MGAT4C: variants seen among roughly 807,000 people sequenced by gnomAD.
MGAT4C encodes the protein alpha-1,3-mannosyl-glycoprotein 4-beta-N-acetylglucosaminyltransferase C.
Under a neutral mutation model 40.1 loss-of-function variants are expected in MGAT4C, and 19 were observed. That is an observed-to-expected ratio of 0.47 (90% CI 0.33 to 0.70). The LOEUF (loss-of-function observed/expected upper bound fraction) is 0.70. Among genes scored for constraint, MGAT4C ranks in the 30% least tolerant of loss-of-function variants. The pLI is 0.02. For missense variants in MGAT4C, 491 were observed against 563.2 expected (o/e 0.87, Z 1.30); for synonymous variants, 181 against 187.1 (o/e 0.97, Z 0.27).
rs1882760644 is a variant in MGAT4C at position 85,955,716 on chromosome 12, C to T, written c.*23573G>A. 1 of 151,968 alleles carries T rather than the reference C, an allele frequency of 6.6e-6. No individual in the cohort carries two copies. The highest frequency in any genetic ancestry group is 1.5e-5 in the Non-Finnish European group (1 of 67,972). The allele number at this position is 151,968 out of a possible 1,614,324, so 9.4% of individuals were successfully genotyped here. On this transcript the variant is annotated 3_prime_UTR_variant, in exon 5 of 5. Transcript: ENST00000611864. ...TTATGCTGTTTAGCCTTCATAATTT[C>T]AAACAATTCTGAATTTGTTGCTTCA... is the stretch of plus-strand genomic sequence containing the variant.
rs1214786781 is a variant in MGAT4C, at chr12:85,971,120, A to G, written c.*8169T>C. On this transcript the variant is annotated 3_prime_UTR_variant, in exon 5 of 5. Transcript: ENST00000611864. Reference sequence around the variant, plus strand: ...TAGTGCATTTATAATAAATTTAATTATTCATAAAAAATTAACATTGATATA... The same window carrying G: ...TAGTGCATTTATAATAAATTTAATTGTTCATAAAAAATTAACATTGATATA... 1 of 151,292 alleles carries G rather than the reference A, an allele frequency of 6.6e-6. No homozygotes were observed. The highest frequency in any genetic ancestry group is 1.5e-5 in the Non-Finnish European group (1 of 67,400). 9.4% of individuals were successfully genotyped at this position (151,292 alleles called of 1,614,324 possible).
intron 2 of MGAT4C, among the ~76,000 whole-genome samples, chr12:86,653,310 T>C (rs1253121126): frequency 6.6e-6 from 1 of 151,856 alleles, no homozygotes; most frequent in Non-Finnish European, 1.5e-5. Context: ...TGGCAATAAC[T>C]TCCGCTCACC....
intron 1 of MGAT4C, among the ~76,000 whole-genome samples, chr12:86,132,967 T>C (rs1881455698): frequency 6.6e-6 from 1 of 152,076 alleles, no homozygotes; most frequent in Admixed American, 6.6e-5. Context: ...CTTTACCGAG[T>C]CTATATATTT....
intron 2 of MGAT4C, among the ~76,000 whole-genome samples, chr12:86,605,177 G>A (rs780376630): frequency 1.3e-5 from 2 of 152,040 alleles, no homozygotes; most frequent in Non-Finnish European, 2.9e-5. Context: ...TAATATGGCA[G>A]TATTTTGTTT....
intron 1 of MGAT4C, among the ~76,000 whole-genome samples, chr12:86,055,817 T>A (rs1017588242): frequency 6.6e-6 from 1 of 152,124 alleles, no homozygotes; most frequent in Admixed American, 6.6e-5. Context: ...TCTTTACTTA[T>A]GATTCAAGTA....
chr12:86,600,398 T>C (rs1009354277), intron 2 of MGAT4C, among the ~76,000 whole-genome samples: 1 of 152,166 alleles, frequency 6.6e-6, no homozygotes, highest in Admixed American at 6.5e-5. Flanking sequence ...CGTTAATGGT[T>C]TTAAACAAGG....
intron 1 of MGAT4C, among the ~76,000 whole-genome samples, chr12:86,800,226 G>A (rs1197121575): frequency 6.6e-6 from 1 of 151,860 alleles, no homozygotes; most frequent in East Asian, 1.9e-4. Flanking sequence ...GACAGTGCTA[G>A]TTTACATATA....
intron 3 of MGAT4C, among the ~76,000 whole-genome samples, chr12:86,410,438 A>G (rs1956581201): frequency 6.6e-6 from 1 of 152,128 alleles, no homozygotes; most frequent in Admixed American, 6.5e-5. Flanking sequence ...CTAATTGCAC[A>G]TCCATTTATA....
intron 2 of MGAT4C, among the ~76,000 whole-genome samples, chr12:86,004,639 A>G (rs1887687077): frequency 6.6e-6 from 1 of 152,138 alleles, no homozygotes; most frequent in Non-Finnish European, 1.5e-5. Flanking sequence ...AAGGAGAACA[A>G]GAATTATTTG....
intron 2 of MGAT4C, among the ~76,000 whole-genome samples, chr12:86,450,278 C>A (rs2136286328): frequency 6.6e-6 from 1 of 152,010 alleles, no homozygotes; most frequent in African/African-American, 2.4e-5. Flanking sequence ...AGGTTGAGCA[C>A]CTCCACATAA....
At chr12:86,403,696 G>A (rs1389327458) in intron 3 of MGAT4C, among the ~76,000 whole-genome samples, 1 of 152,082 alleles carries the variant, frequency 6.6e-6, no homozygotes, top group Non-Finnish European at 1.5e-5. Context: ...TATAGATTTT[G>A]GAAGGAAGCA....
At chr12:86,187,098 G>A (rs61929487) in intron 1 of MGAT4C, among the ~76,000 whole-genome samples, 1 of 151,942 alleles carries the variant, frequency 6.6e-6, no homozygotes, top group Non-Finnish European at 1.5e-5. Context: ...TGCTCTATAC[G>A]AGGCTTTTAC....
At chr12:86,364,630 T>C (rs1178301124) in intron 3 of MGAT4C, among the ~76,000 whole-genome samples, 1 of 152,178 alleles carries the variant, frequency 6.6e-6, no homozygotes, top group Non-Finnish European at 1.5e-5. Context: ...GGTTCTTTTC[T>C]ATTTTCCCTA....
In MGAT4C at chr12:85,967,181, G is replaced by A. The variant is rs1453455144; in HGVS notation, c.*12108C>T. ...TTTGATATCAGCTAGCAGTAAAATT[G>A]TGAACAAATCTGGTAAATCTTTTGG... On this transcript the variant is annotated 3_prime_UTR_variant, in exon 5 of 5. Transcript: ENST00000611864. The A allele has an allele frequency of 6.6e-6, 1 of 152,138 alleles. No individual in the cohort carries two copies. Among genetic ancestry groups the A allele is most frequent in the African/African-American group, 2.4e-5 (1 of 41,430 alleles). 9.4% of individuals were successfully genotyped at this position (152,138 alleles called of 1,614,324 possible). A position where few individuals can be genotyped will look rare whatever the true frequency, so the allele number is the denominator to read the frequency against.
intron 2 of MGAT4C, among the ~76,000 whole-genome samples, chr12:86,654,055 G>C (rs1963773050): frequency 6.6e-6 from 1 of 151,984 alleles, no homozygotes; most frequent in African/African-American, 2.4e-5. Context: ...GAAAAATTGT[G>C]ATGAGGTAAG....
At chr12:86,543,622 G>T (rs1959179097) in intron 2 of MGAT4C, among the ~76,000 whole-genome samples, 1 of 151,832 alleles carries the variant, frequency 6.6e-6, no homozygotes, top group Non-Finnish European at 1.5e-5. Context: ...TTATTTTTCA[G>T]AATAGAAAAC....
At chr12:86,491,451 T>C (rs992140020) in intron 2 of MGAT4C, among the ~76,000 whole-genome samples, 4 of 151,838 alleles carry the variant, frequency 2.6e-5, no homozygotes, top group Non-Finnish European at 5.9e-5. Context: ...TCCACCAAGA[T>C]CAAGTGGGCT....
intron 1 of MGAT4C, among the ~76,000 whole-genome samples, chr12:86,207,062 A>G (rs1950285031): frequency 6.6e-6 from 1 of 151,860 alleles, no homozygotes; most frequent in African/African-American, 2.4e-5. Context: ...AGAAAAAAAG[A>G]GGGAAAGAAG....
intron 2 of MGAT4C, among the ~76,000 whole-genome samples, chr12:86,573,358 T>C (rs1960441772): frequency 6.6e-6 from 1 of 152,046 alleles, no homozygotes. Context: ...CCTCTAATTG[T>C]ATCTATAAGA....
Sources: gnomAD v4.1 joint callset for allele counts (sites outside exome capture counted in the v4.1 genomes callset) on GRCh38, gnomAD v4.1.1 for gene constraint, MANE v1.5 for transcripts, NCBI Gene and HGNC (gene_info 2026-07-23, HGNC 2026-07-21) for gene names.